The following AKAP17A variants were observed in gnomAD, a reference collection of about 807,000 sequenced individuals.
AKAP17A encodes the protein A-kinase anchor protein 17A.
AKAP17A carries 15 observed loss-of-function variants against 52.2 expected under a neutral mutation model. The observed-to-expected ratio is 0.29, with a 90% CI of 0.19 to 0.44. AKAP17A has a LOEUF of 0.44. AKAP17A is among the 20% of genes least tolerant of loss of function. The pLI is 1.00. For synonymous variants in AKAP17A, 514 were observed against 424.7 expected (o/e 1.21, Z -2.58); for missense variants, 1,060 against 1,007.0 (o/e 1.05, Z -0.71).
intron 1 of AKAP17A, among the ~76,000 whole-genome samples, chrX:1,592,005 G>A (rs1315727706): frequency 1.3e-5 from 2 of 151,486 alleles, no homozygotes; most frequent in African/African-American, 4.9e-5. Flanking sequence ...TGGAAGTAGG[G>A]GTAGGGGCTG....
At chrX:1,600,595 C>G in intron 4 of AKAP17A, 64 bp from the exon 5 acceptor site, 5 of 1,433,116 alleles carry the variant, frequency 3.5e-6, no homozygotes, top group Non-Finnish European at 4.6e-6. Flanking sequence ...CTTCCCAGCT[C>G]CTGTCCCACG....
intron 4 of AKAP17A, chrX:1,600,082 T>C: frequency 1.8e-6 from 2 of 1,082,794 alleles, no homozygotes; most frequent in East Asian, 1.1e-4. Context: ...TCAGGAGGGC[T>C]GCGTCCCCCT....
chrX:1,599,593 G>C, intron 4 of AKAP17A, 161 bp downstream of exon 4: 2 of 1,008,942 alleles, frequency 2.0e-6, no homozygotes, highest in Non-Finnish European at 3.1e-6. Context: ...TCCCGGGAGG[G>C]TGTAGCGCTC....
Position 1,600,775 on chromosome X carries a change from C to T in AKAP17A, c.1269C>T (p.Arg423=), listed in dbSNP as rs751396392. ...ELRRVEEEKE[R]ALGLQRKERE... ...GGCGCGTGGAGGAGGAGAAGGAGCG[C>T]GCGCTGGGCCTGCAGCGGAAAGAGC... Residue 423 remains arginine, a synonymous_variant, in exon 5 of 5, where the codon CGC becomes CGT. Coordinates refer to ENST00000313871, the MANE Select transcript of AKAP17A (RefSeq NM_005088.3). The T allele has an allele frequency of 7.9e-5, 125 of 1,573,740 alleles. No individual in the cohort carries two copies. The highest frequency in any genetic ancestry group is 1.1e-4 in the African/African-American group (8 of 74,524).
chrX:1,599,929 C>T (rs1268886001), intron 4 of AKAP17A: 10 of 514,970 alleles, frequency 1.9e-5, no homozygotes, highest in Admixed American at 6.3e-5. Context: ...GTCTCACCAG[C>T]GCCGGTACTG....
At chrX:1,600,145 A>T (rs1933276326) in intron 4 of AKAP17A, 2 of 1,301,750 alleles carry the variant, frequency 1.5e-6, no homozygotes, top group Non-Finnish European at 2.0e-6. Context: ...CAGTTGTGAT[A>T]AGTCCCCGGG....
intron 3 of AKAP17A, 129 bp downstream of exon 3, chrX:1,595,661 T>C: frequency 1.4e-6 from 2 of 1,410,016 alleles, no homozygotes; most frequent in Non-Finnish European, 9.8e-7. Context: ...AGCTTGTGTG[T>C]GTACCTGTGT....
chrX:1,596,448 C>T (rs1160011897), intron 3 of AKAP17A, among the ~76,000 whole-genome samples: 1 of 108,560 alleles, frequency 9.2e-6, no homozygotes, highest in African/African-American at 3.5e-5. Flanking sequence ...TCCTCCTCCT[C>T]CATCCCTCCC....
chrX:1,594,296 A>C, intron 2 of AKAP17A, 72 bp downstream of exon 2: 1 of 1,480,664 alleles, frequency 6.8e-7, no homozygotes, highest in Non-Finnish European at 8.9e-7. Context: ...GGTCAGCAGA[A>C]CGCTCCCAGC....
rs189566735 is a variant in AKAP17A, at chrX:1,602,046, C to T, written c.*452C>T. The T allele has an allele frequency of 3.6e-5, 6 of 164,548 alleles. No homozygotes were observed. Among genetic ancestry groups the T allele is most frequent in the Admixed American group, 2.6e-4 (4 of 15,582 alleles). The allele number at this position is 164,548 out of a possible 1,614,324, so 10.2% of individuals were successfully genotyped here. ...GTTGCCCTGGTGATTCTTTCCCCCC[C>T]GTTTGTAATGTTAACTGATCAGGAA... On this transcript the variant is annotated 3_prime_UTR_variant, in exon 5 of 5. Transcript: ENST00000313871.
At position 1,595,253 on chromosome X, in the gene AKAP17A, GTGAGCGGTGA is replaced by G; in HGVS notation, c.763-130_763-121del. 95 of 156,452 alleles carry G rather than the reference GTGAGCGGTGA, an allele frequency of 6.1e-4. 22 individuals carry two copies. Among genetic ancestry groups the G allele is most frequent in the South Asian group, 2.5e-3 (24 of 9,442 alleles). The allele number at this position is 156,452 out of a possible 1,614,324, so 9.7% of individuals were successfully genotyped here. A position where few individuals can be genotyped will look rare whatever the true frequency, so the allele number is the denominator to read the frequency against. ...TCTGGGTCTGCACCGGACATGAGTG[GTGAGCGGTGA>G]GCGGTGAGCGGGCGCTCAGGCTCTG... On this transcript the variant is annotated intron_variant, in intron 2 of 4. Transcript: ENST00000313871.
In AKAP17A at chrX:1,597,175, C is replaced by T. The variant is rs145352120; in HGVS notation, c.911+1643C>T. ...GCTGGTGATGTTTGCACGAGAGTCC[C>T]GGCACTGAACTCCTGGGAGCAGGTC... On this transcript the variant is annotated intron_variant, in intron 3 of 4. Coordinates refer to ENST00000313871, the MANE Select transcript of AKAP17A (RefSeq NM_005088.3). 7.0e-3 allele frequency among the ~76,000 whole-genome samples: 1,058 copies of T among 151,646 alleles called. 6 individuals are homozygous for T. The highest frequency in any genetic ancestry group is 0.023 in the African/African-American group (933 of 41,054).
At position 1,601,224 on chromosome X, in the gene AKAP17A, G is replaced by T; in HGVS notation, c.1718G>T (p.Arg573Leu). Residue 573 changes from arginine to leucine, a missense_variant, in exon 5 of 5, where the codon CGG becomes CTG. Around this residue, in one of 2 missense-constraint regions of AKAP17A, gnomAD observed 793 missense variants for 629.9 expected, o/e 1.26. Transcript: ENST00000313871. ...CEQNVSRKDT[R>L]SEQDKCNREP... ...CAGAATGTCTCCAGAAAGGACACCC[G>T]GTCAGAACAGGACAAGTGCAACCGG... 6.2e-7 allele frequency: 1 copy of T among 1,613,850 alleles called. No homozygotes were observed. Among genetic ancestry groups the T allele is most frequent in the East Asian group, 2.2e-5 (1 of 44,872 alleles).
chrX:1,601,119 C>T lies in AKAP17A; in HGVS notation c.1613C>T (p.Pro538Leu). 6.2e-7 allele frequency: 1 copy of T among 1,613,856 alleles called. No homozygotes were observed. Among genetic ancestry groups the T allele is most frequent in the Non-Finnish European group, 8.5e-7 (1 of 1,179,828 alleles). The change falls in exon 5 of 5, where the codon CCA becomes CTA. Residue 538 changes from proline to leucine, a missense_variant. Pro to Leu is a moderately conservative substitution (Grantham distance 98). Around this residue, in one of 2 missense-constraint regions of AKAP17A, gnomAD observed 793 missense variants for 629.9 expected, o/e 1.26. Transcript: ENST00000313871. ...CGTGTGGTCCCCGAGGATGGCTCTCCAGAGAAGAGGTGCCCGGGCGGCGTC... is the reference window on the plus strand; with the variant it reads ...CGTGTGGTCCCCGAGGATGGCTCTCTAGAGAAGAGGTGCCCGGGCGGCGTC... ...SCRVVPEDGS[P>L]EKRCPGGVLS... is the part of the protein sequence containing the mutation.
Position 1,599,323 on chromosome X carries a change from A to C in AKAP17A, c.1043A>C (p.Glu348Ala), listed in dbSNP as rs1458318400. The change falls in exon 4 of 5, where the codon GAG becomes GCG. Residue 348 changes from glutamate to alanine, a missense_variant. Physicochemically the swap from Glu to Ala is moderately radical, Grantham distance 107 (BLOSUM62 -1). Transcript: ENST00000313871. ...QKKLEKLQAE[E>A]QKQLQEKIKL... ...AAGCTGGAGAAGCTGCAGGCGGAGG[A>C]GCAGAAGCAGCTGCAGGAGAAGATC... The C allele has an allele frequency of 1.2e-6, 2 of 1,606,006 alleles. No individual in the cohort carries two copies. Among genetic ancestry groups the C allele is most frequent in the South Asian group, 2.2e-5 (2 of 90,130 alleles).
At position 1,600,733 on chromosome X, in the gene AKAP17A, G is replaced by T; in HGVS notation, c.1227G>T (p.Leu409=). The part of the protein sequence containing the change: ...RLQQQEERRR[L]QEAELRRVEE... The stretch of plus-strand genomic sequence containing the variant: ...AGCAGCAGGAGGAGCGGCGGCGGCT[G>T]CAGGAGGCCGAGCTGCGGCGCGTGG... The change falls in exon 5 of 5, where the codon CTG becomes CTT. Residue 409 remains leucine (L), a synonymous_variant. Transcript: ENST00000313871. The T allele has an allele frequency of 6.5e-7, 1 of 1,548,192 alleles. No individual in the cohort carries two copies. The highest frequency in any genetic ancestry group is 2.0e-5 in the Admixed American group (1 of 51,106).
Position 1,601,512 on chromosome X carries a change from G to T in AKAP17A, c.2006G>T (p.Arg669Met), listed in dbSNP as rs1486703038. The T allele has an allele frequency of 6.6e-6, 10 of 1,517,156 alleles. No individual in the cohort carries two copies. Among genetic ancestry groups the T allele is most frequent in the Non-Finnish European group, 8.7e-6 (10 of 1,143,752 alleles). The allele number at this position is 1,517,156 out of a possible 1,614,324, so 94.0% of individuals were successfully genotyped here. Residue 669 changes from arginine (R) to methionine (M), a missense_variant, in exon 5 of 5, where the codon AGG becomes ATG. Arg to Met is a moderately conservative substitution (Grantham distance 91). Coordinates refer to ENST00000313871, the MANE Select transcript of AKAP17A (RefSeq NM_005088.3). Reference sequence around the variant, plus strand: ...CGGGAGCGGAGGGGCAGCGCCAGCAGGAAGCACAGCCGCCACCGCCGCCGA... The same window carrying T: ...CGGGAGCGGAGGGGCAGCGCCAGCATGAAGCACAGCCGCCACCGCCGCCGA... ...RSRERRGSAS[R>M]KHSRHRRRSE...
chrX:1,600,868 C>G lies in AKAP17A; in HGVS notation c.1362C>G (p.Asp454Glu). ...AGCCGGACGACAGCCACACACACGA[C>G]GAGCTGGGCGTGGCACACGCCGACC... ...SKKPDDSHTHDELGVAHADLL... is the reference protein window; with the variant it reads ...SKKPDDSHTHEELGVAHADLL... Residue 454 changes from aspartate (D) to glutamate (E), a missense_variant, in exon 5 of 5, where the codon GAC becomes GAG. By Grantham distance (45) the Asp-to-Glu change is conservative. Coordinates refer to ENST00000313871, the MANE Select transcript of AKAP17A (RefSeq NM_005088.3). The G allele has an allele frequency of 6.3e-7, 1 of 1,587,884 alleles. No individual in the cohort carries two copies. The highest frequency in any genetic ancestry group is 8.5e-7 in the Non-Finnish European group (1 of 1,171,358).
intron 2 of AKAP17A, among the ~76,000 whole-genome samples, 174 bp from the exon 3 acceptor site, chrX:1,595,210 G>C (rs1932920381): frequency 6.6e-6 from 1 of 151,178 alleles, no homozygotes; most frequent in African/African-American, 2.4e-5. Flanking sequence ...GGATTGGTTT[G>C]GCTTCTGGGC....
Sources: allele counts gnomAD v4.1 joint callset (sites outside exome capture counted in the v4.1 genomes callset), GRCh38; gene constraint gnomAD v4.1.1; regional missense constraint gnomAD v4.1.1; transcripts MANE v1.5; gene names NCBI Gene and HGNC (gene_info 2026-07-23, HGNC 2026-07-21).